Variants in CPNE8 observed in about 807,000 individuals in gnomAD.
CPNE8 encodes copine-8.
A neutral mutation model predicts 81.5 loss-of-function variants in CPNE8; 45 were observed. That is an observed-to-expected ratio of 0.55 (90% CI 0.44 to 0.71). The LOEUF (loss-of-function observed/expected upper bound fraction) is 0.71. Ranked by LOEUF, CPNE8 falls within the 30% of genes least tolerant of loss-of-function variation. The probability of loss-of-function intolerance (pLI) is 0.00; values close to 1 mark genes in which losing one functional copy is unlikely to be tolerated. For missense variants in CPNE8, 594 were observed against 672.1 expected, an observed-to-expected ratio of 0.88 and a Z score of 1.28; for synonymous variants, 252 against 226.3, an observed-to-expected ratio of 1.11 and a Z score of -1.02.
chr12:38,862,913 C>T (rs1943859366), intron 3 of CPNE8, among the ~76,000 whole-genome samples: 1 of 151,992 alleles, frequency 6.6e-6, no homozygotes, highest in Non-Finnish European at 1.5e-5. Flanking sequence ...CATGCAACTG[C>T]ACTCAAGCCT....
intron 16 of CPNE8, among the ~76,000 whole-genome samples, chr12:38,683,556 C>T (rs1939458958): frequency 6.6e-6 from 1 of 152,024 alleles, no homozygotes; most frequent in South Asian, 2.1e-4. Context: ...AGTTGTTAAA[C>T]TTTTTGAATG....
intron 8 of CPNE8, among the ~76,000 whole-genome samples, chr12:38,762,421 AC>A (rs1267036650): frequency 2.0e-5 from 3 of 152,224 alleles, no homozygotes; most frequent in Non-Finnish European, 4.4e-5. Flanking sequence ...TTTACCAAAA[AC>A]AATCTGAAAA....
intron 6 of CPNE8, among the ~76,000 whole-genome samples, chr12:38,815,437 A>G (rs559313975): frequency 2.6e-4 from 40 of 152,314 alleles, no homozygotes; most frequent in African/African-American, 8.4e-4. Context: ...TTCACATGTC[A>G]TTCAATCTTT....
intron 17 of CPNE8, among the ~76,000 whole-genome samples, chr12:38,676,750 G>T (rs1939298388): frequency 6.6e-6 from 1 of 152,104 alleles, no homozygotes. Flanking sequence ...GAACACTAGA[G>T]CAATCACATC....
intron 7 of CPNE8, among the ~76,000 whole-genome samples, chr12:38,775,511 C>A (rs978902801): frequency 6.6e-6 from 1 of 152,102 alleles, no homozygotes; most frequent in Non-Finnish European, 1.5e-5. Context: ...TCTGGAAATA[C>A]CAATTCCCAG....
In CPNE8 at chr12:38,760,896, T is replaced by C. The variant is rs773363060; in HGVS notation, c.681-8A>G. On this transcript the variant is annotated splice_region_variant and splice_polypyrimidine_tract_variant and intron_variant, in intron 9 of 19. Transcript: ENST00000331366. ...ACCTCTACTTTGATTGTTCTGTACA[T>C]GAGAAAAACATACACATAAAGTTAC... 6.5e-7 allele frequency: 1 copy of C among 1,549,592 alleles called. No individual in the cohort carries two copies. The highest frequency in any genetic ancestry group is 2.5e-5 in the East Asian group (1 of 40,792).
At chr12:38,825,832 C>T (rs553476373) in intron 6 of CPNE8, among the ~76,000 whole-genome samples, 3 of 152,304 alleles carry the variant, frequency 2.0e-5, no homozygotes, top group East Asian at 3.9e-4. Context: ...AGTGATAGCA[C>T]GTCACTAGGT....
At chr12:38,825,511 A>T (rs1943174253) in intron 6 of CPNE8, among the ~76,000 whole-genome samples, 1 of 152,256 alleles carries the variant, frequency 6.6e-6, no homozygotes, top group South Asian at 2.1e-4. Context: ...CCATGAAAAC[A>T]GCATTTTGCT....
intron 7 of CPNE8, among the ~76,000 whole-genome samples, chr12:38,770,651 A>ACC (rs1051130695): frequency 5.3e-5 from 8 of 152,148 alleles, no homozygotes; most frequent in African/African-American, 1.7e-4. Flanking sequence ...AGCCTTTTCC[A>ACC]CCTTCAACTG....
At chr12:38,780,381 A>T (rs1942025088) in intron 6 of CPNE8, among the ~76,000 whole-genome samples, 2 of 152,102 alleles carry the variant, frequency 1.3e-5, no homozygotes, top group African/African-American at 2.4e-5. Flanking sequence ...TAATATGTTT[A>T]ATCAGAGTTC....
intron 2 of CPNE8, 50 bp from the exon 3 acceptor site, chr12:38,873,100 A>T: frequency 1.8e-6 from 2 of 1,102,682 alleles, no homozygotes; most frequent in South Asian, 2.7e-5. Context: ...TATGAAAATC[A>T]TATGTGAATG....
At chr12:38,889,536 G>A (rs1944281563) in intron 1 of CPNE8, among the ~76,000 whole-genome samples, 1 of 152,058 alleles carries the variant, frequency 6.6e-6, no homozygotes, top group African/African-American at 2.4e-5. Context: ...AAAGAGATGA[G>A]GCTGAAAATT....
intron 6 of CPNE8, among the ~76,000 whole-genome samples, chr12:38,809,456 T>G (rs1447073766): frequency 1.3e-5 from 2 of 152,192 alleles, no homozygotes; most frequent in African/African-American, 4.8e-5. Context: ...TAAGATAATC[T>G]TCCTATCTTA....
At chr12:38,902,370 A>AAAG (rs1944492398) in intron 1 of CPNE8, among the ~76,000 whole-genome samples, 1 of 79,420 alleles carries the variant, frequency 1.3e-5, no homozygotes, top group Non-Finnish European at 2.4e-5. Flanking sequence ...GAAAGAAAGA[A>AAAG]AGAAAGAAAG....
chr12:38,710,515 A>G (rs79508304), intron 13 of CPNE8, among the ~76,000 whole-genome samples: 111 of 152,260 alleles, frequency 7.3e-4, no homozygotes, highest in African/African-American at 2.6e-3. Flanking sequence ...TAACAACCAC[A>G]TTGAAGGAGA....
intron 14 of CPNE8, among the ~76,000 whole-genome samples, chr12:38,694,236 T>C (rs1429021685): frequency 6.6e-6 from 1 of 152,222 alleles, no homozygotes; most frequent in Non-Finnish European, 1.5e-5. Flanking sequence ...ATAGATTTAA[T>C]GGACTTCAAT....
chr12:38,780,881 A>G (rs1942037604), intron 6 of CPNE8, among the ~76,000 whole-genome samples: 1 of 152,062 alleles, frequency 6.6e-6, no homozygotes, highest in Non-Finnish European at 1.5e-5. Flanking sequence ...GGAAATGATC[A>G]CAGATGGGAG....
intron 5 of CPNE8, among the ~76,000 whole-genome samples, chr12:38,835,897 C>A (rs1523118): frequency 6.6e-6 from 1 of 151,720 alleles, no homozygotes; most frequent in Non-Finnish European, 1.5e-5. Context: ...TGGTGCCTTC[C>A]GCAACCAACC....
chr12:38,869,366 T>C (rs1270979594), intron 3 of CPNE8, among the ~76,000 whole-genome samples: 1 of 152,198 alleles, frequency 6.6e-6, no homozygotes, highest in Non-Finnish European at 1.5e-5. Flanking sequence ...CTGTTACAAG[T>C]GATTCATATT....
Sources: allele counts gnomAD v4.1 joint callset (sites outside exome capture counted in the v4.1 genomes callset), GRCh38; gene constraint gnomAD v4.1.1; transcripts MANE v1.5; gene names NCBI Gene and HGNC (gene_info 2026-07-23, HGNC 2026-07-21).